The following SCAPER variants were observed in gnomAD, a reference collection of about 807,000 sequenced individuals.
SCAPER encodes S phase cyclin A-associated protein in the endoplasmic reticulum.
SCAPER carries 98 observed loss-of-function variants against 182.2 expected under a neutral mutation model. That is an observed-to-expected ratio of 0.54 (90% confidence interval 0.46 to 0.64). SCAPER has a LOEUF of 0.64. Among genes scored for constraint, SCAPER ranks in the 30% least tolerant of loss-of-function variants. The probability of loss-of-function intolerance (pLI) is 0.00; values close to 1 mark genes in which losing one functional copy is unlikely to be tolerated. For missense variants in SCAPER, 1,432 were observed against 1,690.0 expected (o/e 0.85, Z 2.68); for synonymous variants, 605 against 564.6 (o/e 1.07, Z -1.01).
chr15:76,762,339 C>T (rs1042066400), intron 14 of SCAPER, among the ~76,000 whole-genome samples: 1 of 145,752 alleles, frequency 6.9e-6, no homozygotes, highest in Non-Finnish European at 1.5e-5. Context: ...TACTCTATTG[C>T]TATCTTCATT....
At chr15:76,737,181 A>G (rs1225238514) in intron 15 of SCAPER, among the ~76,000 whole-genome samples, 1 of 152,250 alleles carries the variant, frequency 6.6e-6, no homozygotes, top group Non-Finnish European at 1.5e-5. Context: ...AGGAATCACT[A>G]TCTATGGCAG....
chr15:76,539,866 A>G (rs2044577847), intron 23 of SCAPER, among the ~76,000 whole-genome samples: 1 of 152,150 alleles, frequency 6.6e-6, no homozygotes, highest in East Asian at 1.9e-4. Context: ...TTTCAATTCC[A>G]CATTCAGTAA....
intron 20 of SCAPER, among the ~76,000 whole-genome samples, chr15:76,674,110 T>C (rs1032134223): frequency 1.3e-5 from 2 of 152,032 alleles, no homozygotes; most frequent in African/African-American, 4.8e-5. Context: ...AGTAGCCAAA[T>C]AGTAGATGAG....
intron 5 of SCAPER, among the ~76,000 whole-genome samples, chr15:76,810,415 TTA>T (rs1458174165): frequency 6.6e-6 from 1 of 151,474 alleles, no homozygotes; most frequent in Non-Finnish European, 1.5e-5. Flanking sequence ...AGTCAAGGTG[TTA>T]TCAGCTTAAA....
chr15:76,476,861 G>A (rs2050689597), intron 24 of SCAPER, among the ~76,000 whole-genome samples: 1 of 151,842 alleles, frequency 6.6e-6, no homozygotes, highest in Non-Finnish European at 1.5e-5. Flanking sequence ...CTCATCCTGT[G>A]GATATAAAAA....
chr15:76,734,168 A>T (rs1294332573), intron 15 of SCAPER, among the ~76,000 whole-genome samples: 1 of 152,246 alleles, frequency 6.6e-6, no homozygotes, highest in Non-Finnish European at 1.5e-5. Flanking sequence ...ATTAGATACA[A>T]GGTACTGAAC....
At chr15:76,871,069 A>G (rs1373189213) in intron 2 of SCAPER, among the ~76,000 whole-genome samples, 1 of 152,182 alleles carries the variant, frequency 6.6e-6, no homozygotes, top group Non-Finnish European at 1.5e-5. Flanking sequence ...TCAAAGTGAA[A>G]AAGTAAGTAA....
intron 9 of SCAPER, among the ~76,000 whole-genome samples, chr15:76,773,020 A>G (rs544343033): frequency 5.3e-5 from 8 of 152,016 alleles, no homozygotes; most frequent in African/African-American, 1.9e-4. Context: ...TGTTGATTTT[A>G]GCATAAGCCT....
intron 15 of SCAPER, among the ~76,000 whole-genome samples, chr15:76,752,494 G>T (rs1161320852): frequency 6.6e-6 from 1 of 151,666 alleles, no homozygotes; most frequent in African/African-American, 2.4e-5. Flanking sequence ...GTCCATTGAG[G>T]TATGAATGGA....
intron 17 of SCAPER, among the ~76,000 whole-genome samples, chr15:76,711,943 T>C (rs1239147342): frequency 1.3e-5 from 2 of 152,204 alleles, no homozygotes; most frequent in African/African-American, 2.4e-5. Context: ...TTAGTTTAAT[T>C]AGATCCCATT....
At chr15:76,383,544 T>A (rs2141960865) in intron 27 of SCAPER, among the ~76,000 whole-genome samples, 1 of 152,366 alleles carries the variant, frequency 6.6e-6, no homozygotes, top group African/African-American at 2.4e-5. Context: ...ATCTTATTTA[T>A]ATGGCAGGAT....
intron 1 of SCAPER, among the ~76,000 whole-genome samples, chr15:76,899,211 C>G (rs1226797157): frequency 6.6e-6 from 1 of 152,220 alleles, no homozygotes; most frequent in Non-Finnish European, 1.5e-5. Context: ...CTTGCAGAGC[C>G]TGGACTGTAC....
intron 22 of SCAPER, chr15:76,586,627 T>C (rs1207370316): frequency 9.8e-5 from 15 of 153,528 alleles, no homozygotes; most frequent in African/African-American, 3.4e-4. Flanking sequence ...TGTGTGTATA[T>C]TACATATACA....
chr15:76,383,114 A>G (rs2043073325), intron 27 of SCAPER, among the ~76,000 whole-genome samples: 1 of 150,998 alleles, frequency 6.6e-6, no homozygotes, highest in Non-Finnish European at 1.5e-5. Context: ...ATACACACAC[A>G]CACACCTACA....
intron 25 of SCAPER, among the ~76,000 whole-genome samples, chr15:76,457,981 TA>T (rs1221727598): frequency 2.0e-5 from 3 of 152,080 alleles, no homozygotes; most frequent in Non-Finnish European, 2.9e-5. Context: ...CGGAGGTGTA[TA>T]TATATTTAAT....
intron 24 of SCAPER, among the ~76,000 whole-genome samples, chr15:76,481,088 G>A (rs955437057): frequency 1.3e-5 from 2 of 152,104 alleles, no homozygotes; most frequent in African/African-American, 4.8e-5. Flanking sequence ...AGCCAATCTG[G>A]TTTATTCTCA....
intron 8 of SCAPER, among the ~76,000 whole-genome samples, chr15:76,778,227 G>A (rs771783911): frequency 3.8e-4 from 58 of 152,028 alleles, no homozygotes; most frequent in Non-Finnish European, 6.5e-4. Flanking sequence ...AGTAGTGCTC[G>A]ATGTATACAG....
Position 76,733,183 on chromosome 15 carries a change from A to G in SCAPER, c.2022+46T>C, listed in dbSNP as rs2061029333. The G allele has an allele frequency of 3.9e-6, 6 of 1,536,698 alleles. No homozygotes were observed. In the Admixed American group the frequency reaches 6.0e-5, roughly 15 times the overall value. On this transcript the variant is annotated intron_variant, in intron 16 of 31. Transcript: ENST00000563290. ...GACCCTGCGGGGCTGGACCCTACAA[A>G]TATGACAGGTGCTCAAGCAATGTTT...
At chr15:76,782,955 C>T (rs897205051) in intron 8 of SCAPER, among the ~76,000 whole-genome samples, 6 of 152,172 alleles carry the variant, frequency 3.9e-5, no homozygotes, top group African/African-American at 1.4e-4. Context: ...GACACCCTAA[C>T]ATCTCAATTA....
Sources: gnomAD v4.1 joint callset for allele counts (sites outside exome capture counted in the v4.1 genomes callset) on GRCh38, gnomAD v4.1.1 for gene constraint, MANE v1.5 for transcripts, NCBI Gene and HGNC (gene_info 2026-07-23, HGNC 2026-07-21) for gene names.